Variants in RBFOX1 observed in about 807,000 individuals in gnomAD.
RBFOX1 encodes RNA binding fox-1 homolog 1.
RBFOX1 carries 8 observed loss-of-function variants against 57.7 expected under a neutral mutation model. That is an observed-to-expected ratio of 0.14 (90% CI 0.08 to 0.25). RBFOX1 has a LOEUF of 0.25. Among genes scored for constraint, RBFOX1 ranks in the 10% least tolerant of loss-of-function variants. RBFOX1 has a pLI of 1.00. For synonymous variants in RBFOX1, 326 were observed against 222.4 expected, an observed-to-expected ratio of 1.47 and a Z score of -4.15; for missense variants, 611 against 548.5, an observed-to-expected ratio of 1.11 and a Z score of -1.14.
chr16:6,297,371 C>A (rs1020491248), intron 1 of RBFOX1, among the ~76,000 whole-genome samples: 1 of 151,912 alleles, frequency 6.6e-6, no homozygotes, highest in African/African-American at 2.4e-5. Flanking sequence ...ACATGGATCA[C>A]AATTTGGAGA....
intron 4 of RBFOX1, among the ~76,000 whole-genome samples, chr16:7,503,948 G>T (rs1355842504): frequency 6.6e-6 from 1 of 152,156 alleles, no homozygotes; most frequent in Non-Finnish European, 1.5e-5. Flanking sequence ...TTCTGGTCTT[G>T]ACTGTGTATT....
chr16:6,983,284 C>T (rs776621965), intron 3 of RBFOX1, among the ~76,000 whole-genome samples: 2 of 152,010 alleles, frequency 1.3e-5, no homozygotes, highest in Admixed American at 1.3e-4. Context: ...GAATGATGTG[C>T]AGTTGTCTAT....
At chr16:7,506,924 T>G (rs2073514417) in intron 4 of RBFOX1, among the ~76,000 whole-genome samples, 2 of 152,202 alleles carry the variant, frequency 1.3e-5, no homozygotes, top group South Asian at 4.1e-4. Flanking sequence ...GAGGATCAGT[T>G]TTATCCCCAC....
chr16:6,521,413 C>G (rs986694520), intron 2 of RBFOX1, among the ~76,000 whole-genome samples: 4 of 151,202 alleles, frequency 2.6e-5, no homozygotes, highest in African/African-American at 7.3e-5. Context: ...TTCCTCATTT[C>G]TTTTTTCTCT....
chr16:5,536,086 A>C (rs966153885), intron 2 of RBFOX1, among the ~76,000 whole-genome samples: 8 of 134,998 alleles, frequency 5.9e-5, no homozygotes, highest in Non-Finnish European at 1.2e-4. Flanking sequence ...GAAGTCCCCA[A>C]GTCATCAAGC....
At chr16:5,665,643 CAGTT>C (rs2049819114) in intron 3 of RBFOX1, among the ~76,000 whole-genome samples, 3 of 152,176 alleles carry the variant, frequency 2.0e-5, no homozygotes, top group African/African-American at 4.8e-5. Flanking sequence ...AGTTGGCACT[CAGTT>C]AGTATTTAGT....
chr16:5,376,953 T>C (rs1333558048), intron 1 of RBFOX1, among the ~76,000 whole-genome samples: 1 of 149,944 alleles, frequency 6.7e-6, no homozygotes, highest in Admixed American at 6.6e-5. Context: ...CTGGCTTCCC[T>C]CCCTTCTCCA....
chr16:5,616,531 G>A (rs1335780134), intron 3 of RBFOX1, among the ~76,000 whole-genome samples: 1 of 151,446 alleles, frequency 6.6e-6, no homozygotes, highest in East Asian at 1.9e-4. Flanking sequence ...GCCGCTGTCT[G>A]CCCTCTTCCC....
intron 4 of RBFOX1, among the ~76,000 whole-genome samples, chr16:7,234,225 G>C (rs7203722): frequency 1.3e-5 from 2 of 151,798 alleles, no homozygotes; most frequent in Non-Finnish European, 2.9e-5. Context: ...TCACATGCTG[G>C]AGGCAGAGGT....
In RBFOX1 at chr16:6,113,798, G is replaced by C. The variant is rs539378346; in HGVS notation, c.-127+93806G>C. 3.0e-4 allele frequency among the ~76,000 whole-genome samples: 46 copies of C among 152,310 alleles called. 1 individual carries two copies. In the East Asian group the frequency reaches 7.9e-3, roughly 26 times the overall value. Reference sequence around the variant, plus strand: ...TTTGTTGTCTTGAATTGATTTGAAGGCGTCAGACAGGCCGTGGTCTCTGTG... The same window carrying C: ...TTTGTTGTCTTGAATTGATTTGAAGCCGTCAGACAGGCCGTGGTCTCTGTG... On this transcript the variant is annotated intron_variant, in intron 1 of 15. Transcript: ENST00000550418.
At chr16:7,650,470 T>G (rs2064803555) in intron 11 of RBFOX1, among the ~76,000 whole-genome samples, 1 of 152,160 alleles carries the variant, frequency 6.6e-6, no homozygotes, top group Admixed American at 6.5e-5. Context: ...CTAGGAAGCC[T>G]TGTAAATATC....
chr16:7,345,939 T>C (rs1416420782), intron 4 of RBFOX1, among the ~76,000 whole-genome samples: 1 of 152,186 alleles, frequency 6.6e-6, no homozygotes, highest in African/African-American at 2.4e-5. Flanking sequence ...TAACTCGTCA[T>C]TTACATTAGG....
chr16:5,824,026 C>A (rs936721888), intron 3 of RBFOX1, among the ~76,000 whole-genome samples: 3 of 152,108 alleles, frequency 2.0e-5, no homozygotes, highest in African/African-American at 4.8e-5. Flanking sequence ...AAGGACAAGG[C>A]CCTGTAGCCA....
intron 3 of RBFOX1, among the ~76,000 whole-genome samples, chr16:5,843,069 C>A (rs1013536637): frequency 2.0e-5 from 3 of 152,250 alleles, no homozygotes; most frequent in Non-Finnish European, 4.4e-5. Context: ...CCTCGTGATT[C>A]ACCCGCCTTG....
At chr16:6,309,998 C>A (rs886639131) in intron 1 of RBFOX1, among the ~76,000 whole-genome samples, 4 of 152,144 alleles carry the variant, frequency 2.6e-5, no homozygotes, top group African/African-American at 9.7e-5. Context: ...AGTGATTCTC[C>A]TGCCTCAGCC....
intron 4 of RBFOX1, among the ~76,000 whole-genome samples, chr16:6,009,251 C>G (rs1394287658): frequency 1.3e-5 from 2 of 152,244 alleles, no homozygotes; most frequent in South Asian, 2.1e-4. Context: ...ACGATGGTAC[C>G]TCATTCCATT....
Position 7,227,283 on chromosome 16 carries a change from C to G in RBFOX1, c.27+175185C>G, listed in dbSNP as rs1212405083. On this transcript the variant is annotated intron_variant, in intron 4 of 15. Coordinates refer to ENST00000550418, the MANE Select transcript of RBFOX1 (RefSeq NM_018723.4). ...CTCACTGTCACATACCACACACACCCCACCCCACCCCCACACACACACACA... is the reference window on the plus strand; with the variant it reads ...CTCACTGTCACATACCACACACACCGCACCCCACCCCCACACACACACACA... Among the ~76,000 whole-genome samples, 7 of 99,146 alleles carry G rather than the reference C, an allele frequency of 7.1e-5. 1 individual carries two copies. The highest frequency in any genetic ancestry group is 1.9e-4 in the Non-Finnish European group (7 of 37,008). 65.0% of individuals were successfully genotyped at this position (99,146 alleles called of 152,430 possible). A position where few individuals can be genotyped will look rare whatever the true frequency, so the allele number is the denominator to read the frequency against.
At chr16:6,073,224 A>G (rs987592203) in intron 1 of RBFOX1, among the ~76,000 whole-genome samples, 1 of 152,226 alleles carries the variant, frequency 6.6e-6, no homozygotes, top group African/African-American at 2.4e-5. Context: ...CAGGGCTGAG[A>G]TGAACTACTC....
At chr16:6,273,170 G>C (rs1409755915) in intron 1 of RBFOX1, among the ~76,000 whole-genome samples, 1 of 151,668 alleles carries the variant, frequency 6.6e-6, no homozygotes, top group Non-Finnish European at 1.5e-5. Flanking sequence ...TGAGGCAGGA[G>C]AATGGCTTGA....
Sources: allele counts gnomAD v4.1 joint callset (sites outside exome capture counted in the v4.1 genomes callset), GRCh38; gene constraint gnomAD v4.1.1; transcripts MANE v1.5; gene names NCBI Gene and HGNC (gene_info 2026-07-23, HGNC 2026-07-21).